VPS16: variants seen among roughly 807,000 people sequenced by gnomAD.
The protein encoded by VPS16 is VPS16 core subunit of CORVET and HOPS complexes.
Under a neutral mutation model 116.0 loss-of-function variants are expected in VPS16, and 82 were observed. The observed-to-expected ratio is 0.71, with a 90% CI of 0.59 to 0.85. VPS16 has a LOEUF of 0.85. Ranked by LOEUF, VPS16 falls within the 40% of genes least tolerant of loss-of-function variation. The probability of loss-of-function intolerance (pLI) is 0.00; values close to 1 mark genes in which losing one functional copy is unlikely to be tolerated. For missense variants in VPS16, 928 were observed against 1,090.6 expected, an observed-to-expected ratio of 0.85 and a Z score of 2.10; for synonymous variants, 406 against 420.7, an observed-to-expected ratio of 0.96 and a Z score of 0.43.
chr20:2,847,121 C>T (rs1457703312), intron 1 of VPS16, among the ~76,000 whole-genome samples: 2 of 152,216 alleles, frequency 1.3e-5, no homozygotes, highest in Non-Finnish European at 2.9e-5. Context: ...TAGAAGCCCA[C>T]TTTACCTCTA....
chr20:2,856,959 C>CT (rs943652850), intron 1 of VPS16, among the ~76,000 whole-genome samples: 2 of 138,940 alleles, frequency 1.4e-5, no homozygotes, highest in Non-Finnish European at 3.0e-5. Context: ...CCTATATGAA[C>CT]TTTTTTTTCT....
In VPS16 at chr20:2,864,562, G is replaced by A; in HGVS notation, c.1834G>A (p.Glu612Lys). ...SLYRQFCKHQ[E>K]LETLKDLYNQ... ...GTGGCCCCAGTTCTGTAAGCATCAG[G>A]AGCTAGAGACGCTGAAGGACCTTTA... The change falls in exon 19 of 24, where the codon GAG (glutamate) becomes AAG (lysine). Residue 612 changes from glutamate (E) to lysine (K), a missense_variant. Physicochemically the swap from Glu to Lys is moderately conservative, Grantham distance 56. Transcript: ENST00000380445. The surrounding 1 kb of genome is among the most constrained non-coding windows in gnomAD (Gnocchi z 5.2). 1 of 1,614,120 alleles carries A rather than the reference G, an allele frequency of 6.2e-7. No individual in the cohort carries two copies. The highest frequency in any genetic ancestry group is 8.5e-7 in the Non-Finnish European group (1 of 1,180,032).
rs1373160782 is a variant in VPS16 at position 2,863,834 on chromosome 20, AAAG to A, written c.1477-108_1477-106del. On this transcript the variant is annotated intron_variant, in intron 15 of 23. Coordinates refer to ENST00000380445, the MANE Select transcript of VPS16 (RefSeq NM_022575.4). The surrounding 1 kb of genome is among the most constrained non-coding windows in gnomAD (Gnocchi z 4.4). ...AGAAAGAAGAAAGAGAGAAAGAAAG[AAAG>A]AAGAAGGAAGGGAGGGAGGAAGGGA... 1.3e-5 allele frequency: 18 copies of A among 1,409,316 alleles called. No individual in the cohort carries two copies. The highest frequency in any genetic ancestry group is 2.7e-5 in the South Asian group (2 of 72,830). The allele number at this position is 1,409,316 out of a possible 1,614,324, so 87.3% of individuals were successfully genotyped here.
chr20:2,851,971 A>G (rs1343784485), intron 1 of VPS16, among the ~76,000 whole-genome samples: 2 of 152,208 alleles, frequency 1.3e-5, no homozygotes, highest in Non-Finnish European at 2.9e-5. Flanking sequence ...CGCTGTCTCA[A>G]AAAACCTGTG....
intron 22 of VPS16, 25 bp from the exon 23 acceptor site, chr20:2,866,187 C>T (rs746927738): frequency 1.2e-6 from 2 of 1,610,470 alleles, no homozygotes; most frequent in Admixed American, 3.3e-5. Context: ...TACCTTCTCC[C>T]TCCACCCGCT....
chr20:2,845,007 G>GGTGTGTGTGTGTGT (rs375923174), intron 1 of VPS16, among the ~76,000 whole-genome samples: 1 of 144,014 alleles, frequency 6.9e-6, no homozygotes, highest in African/African-American at 2.6e-5. Flanking sequence ...ATTTGCAAGG[G>GGTGTGTGTGTGTGT]GTGTGTGTGT....
At chr20:2,859,935 C>T (rs1365491932) in intron 2 of VPS16, 119 bp from the exon 3 acceptor site, 14 of 1,499,984 alleles carry the variant, frequency 9.3e-6, no homozygotes, top group Non-Finnish European at 1.2e-5. Context: ...GATGCTTTTA[C>T]TTCTGGTTTT....
chr20:2,858,042 T>C (rs749077822), intron 1 of VPS16, among the ~76,000 whole-genome samples: 7 of 152,054 alleles, frequency 4.6e-5, no homozygotes, highest in Non-Finnish European at 8.8e-5. Flanking sequence ...TGATTTTTGT[T>C]GATCACCCTA....
chr20:2,859,690 C>G (rs1005857147), intron 1 of VPS16, 29 bp from the exon 2 acceptor site: 3 of 1,610,422 alleles, frequency 1.9e-6, no homozygotes, highest in Admixed American at 1.7e-5. Context: ...GGTAATGAGG[C>G]TAATTTCTGC....
chr20:2,857,373 C>A (rs1245913255), intron 1 of VPS16, among the ~76,000 whole-genome samples: 1 of 152,190 alleles, frequency 6.6e-6, no homozygotes, highest in Non-Finnish European at 1.5e-5. Context: ...ATTTATAGAT[C>A]ATTTTGGATA....
At position 2,861,077 on chromosome 20, in the gene VPS16, G is replaced by T; in HGVS notation, c.738G>T (p.Gly246=). Residue 246 remains glycine (G), a synonymous_variant, in exon 7 of 24, where the codon GGG becomes GGT. Transcript: ENST00000380445. ...CAGACACAGGCTACATCTGGATGGGGACAGCATCACTCAAGGTATGATCCT... is the reference window on the plus strand; with the variant it reads ...CAGACACAGGCTACATCTGGATGGGTACAGCATCACTCAAGGTATGATCCT... ...LFTDTGYIWM[G]TASLKEKLCE... The T allele has an allele frequency of 6.2e-7, 1 of 1,614,190 alleles. No individual in the cohort carries two copies. Among genetic ancestry groups the T allele is most frequent in the Non-Finnish European group, 8.5e-7 (1 of 1,180,036 alleles).
In VPS16 at chr20:2,866,617, G is replaced by T; in HGVS notation, c.*43G>T. ...TCTCAAGCAAGGGGTTCCTCCCCTAGCACCTGGGCTTGGCAGAAGGGCCAT... is the reference window on the plus strand; with the variant it reads ...TCTCAAGCAAGGGGTTCCTCCCCTATCACCTGGGCTTGGCAGAAGGGCCAT... On this transcript the variant is annotated 3_prime_UTR_variant, in exon 24 of 24. Transcript: ENST00000380445. The T allele has an allele frequency of 6.2e-7, 1 of 1,607,926 alleles. No individual in the cohort carries two copies. The highest frequency in any genetic ancestry group is 8.5e-7 in the Non-Finnish European group (1 of 1,176,858).
At chr20:2,844,373 C>A (rs942055574) in intron 1 of VPS16, among the ~76,000 whole-genome samples, 1 of 152,118 alleles carries the variant, frequency 6.6e-6, no homozygotes, top group South Asian at 2.1e-4. Flanking sequence ...TCTGGAGAAC[C>A]CACTCAATTT....
chr20:2,854,145 A>G (rs1316018238), intron 1 of VPS16, among the ~76,000 whole-genome samples: 2 of 152,052 alleles, frequency 1.3e-5, no homozygotes, highest in Non-Finnish European at 2.9e-5. Flanking sequence ...ATGGTCGTGC[A>G]CACCTGTAAG....
chr20:2,861,299 T>C lies in VPS16; in HGVS notation c.809+19T>C. ...TGGTCTGGTAAGGATGGGGGTGTTATTGCTGGGGGTGTGGGTGAGACATAG... is the reference window on the plus strand; with the variant it reads ...TGGTCTGGTAAGGATGGGGGTGTTACTGCTGGGGGTGTGGGTGAGACATAG... On this transcript the variant is annotated intron_variant, in intron 8 of 23. Transcript: ENST00000380445. 1 of 1,613,770 alleles carries C rather than the reference T, an allele frequency of 6.2e-7. No homozygotes were observed. The highest frequency in any genetic ancestry group is 8.5e-7 in the Non-Finnish European group (1 of 1,179,998).
rs376671386 is a variant in VPS16 at position 2,861,751 on chromosome 20, T to C, written c.899+47T>C. 61 of 1,595,776 alleles carry C rather than the reference T, an allele frequency of 3.8e-5. No homozygotes were observed. The African/African-American group carries it at 7.0e-4, about 18-fold the overall frequency. ...TGTGTGGAGAGAGGGGAGGGGAGGG[T>C]TCACCTGCCCCGTCCCATCTGTAGG... On this transcript the variant is annotated intron_variant, in intron 9 of 23. Transcript: ENST00000380445.
At chr20:2,862,184 T>G in intron 11 of VPS16, 54 bp downstream of exon 11, 1 of 1,562,930 alleles carries the variant, frequency 6.4e-7, no homozygotes, top group Non-Finnish European at 8.7e-7. Context: ...TGCCCCTGCG[T>G]GGGCATGTGT....
chr20:2,852,278 C>T (rs1280312973), intron 1 of VPS16, among the ~76,000 whole-genome samples: 1 of 152,128 alleles, frequency 6.6e-6, no homozygotes, highest in East Asian at 1.9e-4. Context: ...CTTCCTAGTG[C>T]AGTGTCCTTC....
At chr20:2,850,793 C>A (rs2089110527) in intron 1 of VPS16, among the ~76,000 whole-genome samples, 1 of 147,894 alleles carries the variant, frequency 6.8e-6, no homozygotes. Context: ...CATGGTGAAA[C>A]CCCATCTCTA....
Sources: allele counts gnomAD v4.1 joint callset (sites outside exome capture counted in the v4.1 genomes callset), GRCh38; gene constraint gnomAD v4.1.1; non-coding constraint Gnocchi (gnomAD v3.1); transcripts MANE v1.5; gene names NCBI Gene and HGNC (gene_info 2026-07-23, HGNC 2026-07-21).